The following NBAS variants were observed in gnomAD, a reference collection of about 807,000 sequenced individuals.
NBAS encodes NAG/BC035112 fusion.
Under a neutral mutation model 302.5 loss-of-function variants are expected in NBAS, and 219 were observed. The observed-to-expected ratio is 0.72, with a 90% CI of 0.65 to 0.81. The LOEUF (loss-of-function observed/expected upper bound fraction) is 0.81, where lower values mean the gene tolerates loss of function less well. Among genes scored for constraint, NBAS ranks in the 30% least tolerant of loss-of-function variants. NBAS has a pLI of 0.00. For missense variants in NBAS, 2,932 were observed against 2,841.6 expected (o/e 1.03, Z -0.72); for synonymous variants, 1,118 against 1,021.6 (o/e 1.09, Z -1.80).
chr2:15,256,793 T>C (rs1257329352), intron 44 of NBAS, among the ~76,000 whole-genome samples: 1 of 152,232 alleles, frequency 6.6e-6, no homozygotes, highest in Non-Finnish European at 1.5e-5. Flanking sequence ...CAAATACGTT[T>C]TCCTGCACGT....
At chr2:15,025,647 G>T in the NBAS span, among the ~76,000 whole-genome samples, 4 of 151,912 alleles carry the variant, frequency 2.6e-5, no homozygotes, top group African/African-American at 4.8e-5. Flanking sequence ...CTTGAGCAGT[G>T]GTTTGTAATT....
the NBAS span, among the ~76,000 whole-genome samples, chr2:15,059,960 A>ACAC: frequency 9.2e-5 from 10 of 108,702 alleles, no homozygotes; most frequent in African/African-American, 4.4e-4. Context: ...AAAAAAAAAA[A>ACAC]AAACAAAAAA....
chr2:15,044,805 G>C, the NBAS span, among the ~76,000 whole-genome samples: 1 of 152,168 alleles, frequency 6.6e-6, no homozygotes, highest in Non-Finnish European at 1.5e-5. Context: ...TCATGCCTCT[G>C]ATCAATCTGG....
At chr2:15,498,770 T>C (rs542222045) in intron 11 of NBAS, among the ~76,000 whole-genome samples, 1 of 152,070 alleles carries the variant, frequency 6.6e-6, no homozygotes, top group South Asian at 2.1e-4. Context: ...TCTCTCTCTC[T>C]CCTGCTCCAC....
chr2:15,356,293 G>A lies in NBAS; in HGVS notation c.3931+10C>T, dbSNP rs749845589. On this transcript the variant is annotated intron_variant, in intron 33 of 51. Transcript: ENST00000281513. Reference sequence around the variant, plus strand: ...ACATAAGCAAAGTGTTAAATAAGCTGTCTACTCACCTGTGGCCATCAGCTC... The same window carrying A: ...ACATAAGCAAAGTGTTAAATAAGCTATCTACTCACCTGTGGCCATCAGCTC... 6.2e-7 allele frequency: 1 copy of A among 1,603,176 alleles called. No individual in the cohort carries two copies. The highest frequency in any genetic ancestry group is 8.5e-7 in the Non-Finnish European group (1 of 1,170,128).
intron 35 of NBAS, among the ~76,000 whole-genome samples, chr2:15,348,785 T>C (rs16862523): frequency 0.019 from 2,820 of 152,024 alleles, 101 homozygotes; most frequent in African/African-American, 0.065. Context: ...CTGAGCTTTA[T>C]GAAAAGTTAA....
At chr2:15,439,401 G>GTAAA (rs1678220747) in intron 21 of NBAS, among the ~76,000 whole-genome samples, 1 of 151,538 alleles carries the variant, frequency 6.6e-6, no homozygotes, top group Admixed American at 6.6e-5. Context: ...AAGCTAAAAG[G>GTAAA]TAAACCTCAA....
At chr2:15,524,601 C>T (rs1345280738) in intron 9 of NBAS, among the ~76,000 whole-genome samples, 1 of 152,118 alleles carries the variant, frequency 6.6e-6, no homozygotes, top group Non-Finnish European at 1.5e-5. Context: ...GTTTTTTAGG[C>T]AGCTATAATC....
chr2:15,141,349 C>T, the NBAS span, among the ~76,000 whole-genome samples: 1 of 152,136 alleles, frequency 6.6e-6, no homozygotes, highest in African/African-American at 2.4e-5. Flanking sequence ...CATTTAGTAC[C>T]GGGGACTGCC....
intron 6 of NBAS, among the ~76,000 whole-genome samples, chr2:15,547,608 C>T (rs1167104715): frequency 6.6e-6 from 1 of 152,150 alleles, no homozygotes; most frequent in Non-Finnish European, 1.5e-5. Flanking sequence ...TACCTACTGG[C>T]TAGGAGCAGG....
At chr2:14,797,602 T>A in the NBAS span, among the ~76,000 whole-genome samples, 1 of 152,180 alleles carries the variant, frequency 6.6e-6, no homozygotes, top group Non-Finnish European at 1.5e-5. Flanking sequence ...GAGCCTGTCA[T>A]GGAAGTCACT....
chr2:14,902,339 C>A, the NBAS span, among the ~76,000 whole-genome samples: 1 of 152,278 alleles, frequency 6.6e-6, no homozygotes, highest in South Asian at 2.1e-4. Context: ...ACCGTGTTGG[C>A]CAGGCTGTTC....
intron 44 of NBAS, among the ~76,000 whole-genome samples, chr2:15,239,807 G>A (rs1045900879): frequency 2.0e-5 from 3 of 151,852 alleles, no homozygotes; most frequent in East Asian, 1.9e-4. Context: ...TCAGTGACAC[G>A]CATCAGATTC....
the NBAS span, among the ~76,000 whole-genome samples, chr2:15,139,865 G>A: frequency 1.4e-4 from 22 of 152,120 alleles, no homozygotes; most frequent in Admixed American, 1.3e-3. Context: ...ACAGTAGTTG[G>A]TAACAGGTTG....
chr2:15,243,763 C>T (rs571034768), intron 44 of NBAS, among the ~76,000 whole-genome samples: 5 of 151,974 alleles, frequency 3.3e-5, no homozygotes, highest in South Asian at 2.1e-4. Flanking sequence ...CTGTCCAGAT[C>T]GGAAGCAGGA....
At chr2:14,966,428 G>T in the NBAS span, among the ~76,000 whole-genome samples, 5 of 152,110 alleles carry the variant, frequency 3.3e-5, no homozygotes, top group Non-Finnish European at 5.9e-5. Flanking sequence ...ATTGGTTCCA[G>T]GACTCCCTGA....
intron 35 of NBAS, among the ~76,000 whole-genome samples, chr2:15,343,038 A>G (rs370113853): frequency 2.5e-4 from 38 of 152,172 alleles, no homozygotes; most frequent in African/African-American, 8.9e-4. Context: ...CAGAATTCAG[A>G]TATCAAGAGT....
At chr2:15,256,501 T>C (rs1379202713) in intron 44 of NBAS, among the ~76,000 whole-genome samples, 1 of 152,198 alleles carries the variant, frequency 6.6e-6, no homozygotes, top group Admixed American at 6.5e-5. Context: ...AAATAGTGGC[T>C]GTTTGACTTC....
chr2:15,432,176 C>T lies in NBAS; in HGVS notation c.2340-4382G>A, dbSNP rs114640843. ...AAACTTACACCTTGAATCTCAAGTT[C>T]TATAAACATGAAACTGCATTTACAT... On this transcript the variant is annotated intron_variant, in intron 21 of 51. Transcript: ENST00000281513. 6.8e-3 allele frequency among the ~76,000 whole-genome samples: 1,022 copies of T among 150,472 alleles called. 11 individuals are homozygous for T. The highest frequency in any genetic ancestry group is 0.022 in the African/African-American group (921 of 41,068).
Sources: allele counts gnomAD v4.1 joint callset (sites outside exome capture counted in the v4.1 genomes callset), GRCh38; gene constraint gnomAD v4.1.1; transcripts MANE v1.5; gene names NCBI Gene and HGNC (gene_info 2026-07-23, HGNC 2026-07-21).